Variants in PRORP observed in about 807,000 individuals in gnomAD.
PRORP encodes mitochondrial ribonuclease P catalytic subunit.
A neutral mutation model predicts 59.4 loss-of-function variants in PRORP; 51 were observed. The observed-to-expected ratio is 0.86, with a 90% CI of 0.69 to 1.08. The LOEUF (loss-of-function observed/expected upper bound fraction) is 1.08, where lower values mean the gene tolerates loss of function less well. PRORP is among the 50% of genes least tolerant of loss of function. The pLI is 0.00. For synonymous variants in PRORP, 231 were observed against 245.6 expected (o/e 0.94, Z 0.55); for missense variants, 646 against 690.3 (o/e 0.94, Z 0.72).
rs193180721 is a variant in PRORP at position 35,271,627 on chromosome 14, A to G, written c.1620+1031A>G. Among the ~76,000 whole-genome samples, 12 of 152,314 alleles carry G rather than the reference A, an allele frequency of 7.9e-5. 1 individual carries two copies. The East Asian group carries it at 2.3e-3, about 29-fold the overall frequency. Reference sequence around the variant, plus strand: ...TCCTTTGATTCTAGTTAAGATATCTATAATATAAGGACACATCTTGTGTGA... The same window carrying G: ...TCCTTTGATTCTAGTTAAGATATCTGTAATATAAGGACACATCTTGTGTGA... On this transcript the variant is annotated intron_variant, in intron 7 of 7. Coordinates refer to ENST00000534898, the MANE Select transcript of PRORP (RefSeq NM_014672.4).
chr14:35,250,908 G>C (rs1032918312), intron 5 of PRORP, among the ~76,000 whole-genome samples: 2 of 151,922 alleles, frequency 1.3e-5, no homozygotes, highest in African/African-American at 2.4e-5. Context: ...TTGGGGAAAA[G>C]GTGGTGTTTG....
At position 35,123,275 on chromosome 14, in the gene PRORP, C is replaced by T. The variant is rs779940404; in HGVS notation, c.30C>T (p.Ser10=). The T allele has an allele frequency of 6.2e-7, 1 of 1,611,980 alleles. No homozygotes were observed. The highest frequency in any genetic ancestry group is 2.2e-5 in the East Asian group (1 of 44,852). Residue 10 remains serine, a synonymous_variant, in exon 2 of 8, where the codon AGC becomes AGT. Coordinates refer to ENST00000534898, the MANE Select transcript of PRORP (RefSeq NM_014672.4). The part of the protein sequence containing the change: MTFYLFGIR[S]FPKLWKSPYL... ...CTTTCTATTTGTTTGGTATTCGAAGCTTTCCGAAGCTTTGGAAGAGCCCAT... is the reference window on the plus strand; with the variant it reads ...CTTTCTATTTGTTTGGTATTCGAAGTTTTCCGAAGCTTTGGAAGAGCCCAT...
At position 35,277,432 on chromosome 14, in the gene PRORP, G is replaced by A. The variant is rs1290198760; in HGVS notation, c.*3866G>A. ...AAGGCACTTAGGAGTGAGCAGAAAG[G>A]AAATAGGACCAGCTTTTACCTGCCC... On this transcript the variant is annotated 3_prime_UTR_variant, in exon 8 of 8. Transcript: ENST00000534898. 6.6e-6 allele frequency: 1 copy of A among 152,266 alleles called. No homozygotes were observed. Among genetic ancestry groups the A allele is most frequent in the Non-Finnish European group, 1.5e-5 (1 of 68,124 alleles). 9.4% of individuals were successfully genotyped at this position (152,266 alleles called of 1,614,324 possible).
chr14:35,172,327 G>A (rs947363458), intron 4 of PRORP, among the ~76,000 whole-genome samples: 3 of 151,776 alleles, frequency 2.0e-5, no homozygotes, highest in African/African-American at 7.3e-5. Context: ...GGGATTACAG[G>A]CAGAATTCTT....
At chr14:35,178,941 G>A (rs1189226669) in intron 4 of PRORP, among the ~76,000 whole-genome samples, 1 of 152,152 alleles carries the variant, frequency 6.6e-6, no homozygotes, top group Non-Finnish European at 1.5e-5. Context: ...GCCTGGTGGT[G>A]ACAAAATCTC....
chr14:35,161,393 A>G (rs2048056438), intron 4 of PRORP, among the ~76,000 whole-genome samples: 1 of 152,198 alleles, frequency 6.6e-6, no homozygotes, highest in African/African-American at 2.4e-5. Flanking sequence ...ATTTCCTTCC[A>G]AGGACGAAGG....
rs1388857277 is a variant in PRORP at position 35,127,519 on chromosome 14, C to T, written c.1075C>T (p.Gln359Ter). 4 of 1,612,804 alleles carry T rather than the reference C, an allele frequency of 2.5e-6. No individual in the cohort carries two copies. The highest frequency in any genetic ancestry group is 3.4e-6 in the Non-Finnish European group (4 of 1,179,132). ...SGCGKTIESI[Q>*]LSPEEYECLK... Reference sequence around the variant, plus strand: ...CTGTGGAAAAACCATAGAGTCTATTCAGCTGAGTCCAGAAGAATATGAATG... The same window carrying T: ...CTGTGGAAAAACCATAGAGTCTATTTAGCTGAGTCCAGAAGAATATGAATG... Residue 359 changes from glutamine (Q) to a stop codon, truncating the protein, a stop_gained, in exon 4 of 8, where the codon CAG becomes TAG. Coordinates refer to ENST00000534898, the MANE Select transcript of PRORP (RefSeq NM_014672.4). LOFTEE classifies it high-confidence loss of function.
chr14:35,123,529 A>G lies in PRORP; in HGVS notation c.284A>G (p.Gln95Arg). Residue 95 changes from glutamine (Q) to arginine (R), a missense_variant, in exon 2 of 8, where the codon CAG (glutamine) becomes CGG (arginine). By Grantham distance (43) the Gln-to-Arg change is conservative. Coordinates refer to ENST00000534898, the MANE Select transcript of PRORP (RefSeq NM_014672.4). ...GCTGGAGCAGCTAAGGAGAGATCAC[A>G]GATGAATTCTCAAACTGAAGATCAT... ...FLAGAAKERS[Q>R]MNSQTEDHAL... is the part of the protein sequence containing the mutation. The G allele has an allele frequency of 6.2e-7, 1 of 1,614,212 alleles. No individual in the cohort carries two copies. The highest frequency in any genetic ancestry group is 2.2e-5 in the East Asian group (1 of 44,886).
chr14:35,217,427 G>A (rs2049631581), intron 5 of PRORP, among the ~76,000 whole-genome samples: 1 of 151,276 alleles, frequency 6.6e-6, no homozygotes, highest in African/African-American at 2.4e-5. Flanking sequence ...CTTGAACCTG[G>A]GAGGCAAAGG....
intron 4 of PRORP, among the ~76,000 whole-genome samples, chr14:35,150,541 G>A (rs992323957): frequency 6.6e-6 from 1 of 152,132 alleles, no homozygotes; most frequent in African/African-American, 2.4e-5. Flanking sequence ...GGACAAGCAG[G>A]TCACTCCTAG....
At chr14:35,214,705 G>A (rs1310362312) in intron 5 of PRORP, among the ~76,000 whole-genome samples, 3 of 152,124 alleles carry the variant, frequency 2.0e-5, no homozygotes, top group Non-Finnish European at 4.4e-5. Flanking sequence ...CCAGGAGTTC[G>A]AGACCAGCCT....
chr14:35,265,211 A>G lies in PRORP; in HGVS notation c.1276-1516A>G, dbSNP rs369003648. ...GAGTAAAGAGAAGCTAGACTAAAAT[A>G]AATACCTTTTCCAACCAAGACCCAA... On this transcript the variant is annotated intron_variant, in intron 5 of 7. Coordinates refer to ENST00000534898, the MANE Select transcript of PRORP (RefSeq NM_014672.4). 9.7e-4 allele frequency among the ~76,000 whole-genome samples: 147 copies of G among 152,312 alleles called. 1 individual carries two copies. The highest frequency in any genetic ancestry group is 3.2e-3 in the African/African-American group (133 of 41,586).
intron 4 of PRORP, among the ~76,000 whole-genome samples, chr14:35,169,739 A>G (rs1315924161): frequency 6.6e-6 from 1 of 152,232 alleles, no homozygotes; most frequent in Non-Finnish European, 1.5e-5. Flanking sequence ...GGGTGGGGAC[A>G]CAAAGCCAAA....
intron 5 of PRORP, among the ~76,000 whole-genome samples, chr14:35,213,047 C>T (rs1238919487): frequency 1.3e-5 from 2 of 152,170 alleles, no homozygotes; most frequent in Non-Finnish European, 2.9e-5. Context: ...ACCTCATGAG[C>T]CAACCTCTGC....
chr14:35,262,957 T>C, intron 5 of PRORP: 1 of 1,599,026 alleles, frequency 6.3e-7, no homozygotes, highest in Non-Finnish European at 8.5e-7. Flanking sequence ...GCCACGACAG[T>C]TAAAAACAAG....
intron 4 of PRORP, among the ~76,000 whole-genome samples, chr14:35,174,738 TCTTTTTTTTTTC>T: frequency 1.1e-5 from 1 of 89,484 alleles, no homozygotes; most frequent in African/African-American, 4.6e-5. Flanking sequence ...AGTTCATTCT[TCTTTTTTTTTTC>T]TTTTTTTTTT....
At chr14:35,214,074 C>G (rs1337960644) in intron 5 of PRORP, among the ~76,000 whole-genome samples, 1 of 152,132 alleles carries the variant, frequency 6.6e-6, no homozygotes, top group Non-Finnish European at 1.5e-5. Flanking sequence ...TGATAAAAGC[C>G]ACACATTCTT....
At chr14:35,132,889 TTGAG>T (rs1463965346) in intron 4 of PRORP, among the ~76,000 whole-genome samples, 1 of 150,716 alleles carries the variant, frequency 6.6e-6, no homozygotes, top group Non-Finnish European at 1.5e-5. Flanking sequence ...ATTCAATGCT[TTGAG>T]TTAGTGTTTT....
intron 4 of PRORP, among the ~76,000 whole-genome samples, chr14:35,155,181 C>T (rs906946310): frequency 1.3e-5 from 2 of 152,078 alleles, no homozygotes; most frequent in African/African-American, 4.8e-5. Context: ...GCGTGAGCCA[C>T]CATGCCTGAC....
Sources: allele counts gnomAD v4.1 joint callset (sites outside exome capture counted in the v4.1 genomes callset), GRCh38; gene constraint gnomAD v4.1.1; transcripts MANE v1.5; gene names NCBI Gene and HGNC (gene_info 2026-07-23, HGNC 2026-07-21).